Variants in KIAA1549 observed in about 807,000 individuals in gnomAD.
The protein encoded by KIAA1549 is KIAA1549.
A neutral mutation model predicts 156.4 loss-of-function variants in KIAA1549; 70 were observed. The ratio of observed to expected loss-of-function variants is 0.45; its 90% CI spans 0.37 to 0.55. KIAA1549 has a LOEUF of 0.55. KIAA1549 is among the 20% of genes least tolerant of loss of function. KIAA1549 has a pLI of 0.00. For missense variants in KIAA1549, 2,428 were observed against 2,540.9 expected (o/e 0.96, Z 0.96); for synonymous variants, 1,103 against 1,066.4 (o/e 1.03, Z -0.67).
In KIAA1549 at chr7:138,838,178, C is replaced by T. The variant is rs766115523; in HGVS notation, c.5599-18G>A. The T allele has an allele frequency of 4.1e-6, 6 of 1,452,446 alleles. No individual in the cohort carries two copies. Among genetic ancestry groups the T allele is most frequent in the Non-Finnish European group, 5.4e-6 (6 of 1,108,048 alleles). 90.0% of individuals were successfully genotyped at this position (1,452,446 alleles called of 1,614,324 possible). A position where few individuals can be genotyped will look rare whatever the true frequency, so the allele number is the denominator to read the frequency against. ...ATGTGTGTCTGAAAAACATGGCAAACGTCACTGTACTTCCTACGAAGAATA... is the reference window on the plus strand; with the variant it reads ...ATGTGTGTCTGAAAAACATGGCAAATGTCACTGTACTTCCTACGAAGAATA... On this transcript the variant is annotated intron_variant, in intron 19 of 19. Transcript: ENST00000422774.
intron 9 of KIAA1549, among the ~76,000 whole-genome samples, chr7:138,895,735 G>A (rs1220270877): frequency 6.6e-6 from 1 of 152,044 alleles, no homozygotes; most frequent in Non-Finnish European, 1.5e-5. Context: ...AATAAAAAAA[G>A]AAGGAAGATG....
intron 9 of KIAA1549, among the ~76,000 whole-genome samples, chr7:138,895,681 TAA>T (rs1476996719): frequency 1.3e-5 from 2 of 152,078 alleles, no homozygotes; most frequent in Admixed American, 6.6e-5. Context: ...AGTATACATT[TAA>T]AAGTGTTAAA....
chr7:138,897,188 C>T (rs561850990), intron 9 of KIAA1549, among the ~76,000 whole-genome samples: 4 of 152,314 alleles, frequency 2.6e-5, no homozygotes, highest in East Asian at 3.9e-4. Flanking sequence ...AATCAGGAAT[C>T]GCATATATGA....
chr7:138,881,511 AAT>A lies in KIAA1549; in HGVS notation c.4104_4105del (p.Leu1369AspfsTer4). Reference sequence around the variant, plus strand: ...CAGTGGCGCTGGCTCATGAATAATCAATATGTCGTCTTTATTGTGCTGACCCA... The same window carrying A: ...CAGTGGCGCTGGCTCATGAATAATCAATGTCGTCTTTATTGTGCTGACCCA... On this transcript the variant is annotated frameshift_variant, in exon 11 of 20. Coordinates refer to ENST00000422774, the MANE Select transcript of KIAA1549 (RefSeq NM_001164665.2). LOFTEE classifies it high-confidence loss of function. 6.2e-7 allele frequency: 1 copy of A among 1,614,004 alleles called. No individual in the cohort carries two copies. The highest frequency in any genetic ancestry group is 8.5e-7 in the Non-Finnish European group (1 of 1,179,890).
intron 15 of KIAA1549, among the ~76,000 whole-genome samples, chr7:138,861,870 C>CA (rs1171066870): frequency 2.0e-5 from 3 of 151,310 alleles, no homozygotes; most frequent in Non-Finnish European, 2.9e-5. Flanking sequence ...GACCTTGTCT[C>CA]AAAAAAATAA....
intron 10 of KIAA1549, among the ~76,000 whole-genome samples, chr7:138,890,693 A>AT (rs1197021309): frequency 6.6e-6 from 1 of 152,178 alleles, no homozygotes; most frequent in Non-Finnish European, 1.5e-5. Flanking sequence ...ACCATAGGGA[A>AT]TGAGCTGACC....
chr7:138,958,893 G>A (rs1044706494), intron 1 of KIAA1549, among the ~76,000 whole-genome samples: 2 of 148,856 alleles, frequency 1.3e-5, no homozygotes, highest in African/African-American at 5.0e-5. Flanking sequence ...TTTTTTTTTT[G>A]TTTTGTTTAG....
chr7:138,961,579 C>G (rs1346451722), intron 1 of KIAA1549, among the ~76,000 whole-genome samples: 1 of 152,212 alleles, frequency 6.6e-6, no homozygotes. Context: ...TGCTCTATTC[C>G]TTCTTCTGTG....
intron 1 of KIAA1549, among the ~76,000 whole-genome samples, chr7:138,934,745 T>C (rs141322098): frequency 1.4e-3 from 216 of 152,142 alleles, no homozygotes; most frequent in African/African-American, 5.0e-3. Context: ...GGAAGGAAAA[T>C]AGGACCCTAT....
chr7:138,967,608 G>A (rs901264199), intron 1 of KIAA1549, among the ~76,000 whole-genome samples: 5 of 151,964 alleles, frequency 3.3e-5, no homozygotes, highest in African/African-American at 1.2e-4. Context: ...CTCTCTTCAG[G>A]CCCAGGCTGA....
At chr7:138,945,458 A>T (rs1418663156) in intron 1 of KIAA1549, among the ~76,000 whole-genome samples, 2 of 152,222 alleles carry the variant, frequency 1.3e-5, no homozygotes, top group Non-Finnish European at 2.9e-5. Context: ...TCTCAGCTGC[A>T]CTTTGCAAAC....
intron 3 of KIAA1549, 33 bp downstream of exon 3, chr7:138,912,339 C>T (rs1812193918): frequency 6.5e-7 from 1 of 1,546,004 alleles, no homozygotes; most frequent in Non-Finnish European, 8.9e-7. Context: ...CCAGTCTCAC[C>T]AGACATCACA....
At chr7:138,841,705 TG>T (rs1248947249) in intron 18 of KIAA1549, among the ~76,000 whole-genome samples, 2 of 152,082 alleles carry the variant, frequency 1.3e-5, no homozygotes, top group African/African-American at 4.8e-5. Context: ...CTACTCTAGT[TG>T]TCTAATTAAT....
intron 1 of KIAA1549, among the ~76,000 whole-genome samples, chr7:138,936,322 C>A (rs1367239795): frequency 6.6e-6 from 1 of 152,186 alleles, no homozygotes; most frequent in Non-Finnish European, 1.5e-5. Context: ...AAAACCCTGA[C>A]CCTCCCCCAT....
At chr7:138,941,145 G>T (rs1389085004) in intron 1 of KIAA1549, among the ~76,000 whole-genome samples, 2 of 151,982 alleles carry the variant, frequency 1.3e-5, no homozygotes, top group South Asian at 4.2e-4. Context: ...AATAATTTGG[G>T]GTCTGGAACA....
At chr7:138,962,993 TTAC>T (rs1175442237) in intron 1 of KIAA1549, among the ~76,000 whole-genome samples, 1 of 152,206 alleles carries the variant, frequency 6.6e-6, no homozygotes, top group African/African-American at 2.4e-5. Context: ...GGATAGTCAC[TTAC>T]GTACAGAACA....
chr7:138,945,893 T>C (rs1813322592), intron 1 of KIAA1549, among the ~76,000 whole-genome samples: 1 of 152,084 alleles, frequency 6.6e-6, no homozygotes, highest in Non-Finnish European at 1.5e-5. Context: ...GCCACTGCAC[T>C]CCAGCCTGAG....
At chr7:138,976,518 G>T (rs1260352251) in intron 1 of KIAA1549, among the ~76,000 whole-genome samples, 2 of 152,216 alleles carry the variant, frequency 1.3e-5, no homozygotes, top group Admixed American at 6.5e-5. Flanking sequence ...TTGAGATACA[G>T]CATATTCACG....
At chr7:138,862,687 T>C (rs1030125096) in intron 15 of KIAA1549, among the ~76,000 whole-genome samples, 2 of 152,142 alleles carry the variant, frequency 1.3e-5, no homozygotes, top group Non-Finnish European at 2.9e-5. Context: ...TCCCAGCACT[T>C]TGGGAGGCCG....
Sources: allele counts gnomAD v4.1 joint callset (sites outside exome capture counted in the v4.1 genomes callset), GRCh38; gene constraint gnomAD v4.1.1; transcripts MANE v1.5; gene names NCBI Gene and HGNC (gene_info 2026-07-23, HGNC 2026-07-21).